DYNC2I2: variants seen among roughly 807,000 people sequenced by gnomAD.
DYNC2I2 encodes the protein cytoplasmic dynein 2 intermediate chain 2.
A neutral mutation model predicts 52.0 loss-of-function variants in DYNC2I2; 39 were observed. That is an observed-to-expected ratio of 0.75 (90% CI 0.58 to 0.98). The LOEUF is 0.98. DYNC2I2 is among the 50% of genes least tolerant of loss of function. The pLI is 0.00. For missense variants in DYNC2I2, 743 were observed against 728.4 expected (o/e 1.02, Z -0.23); for synonymous variants, 359 against 321.1 (o/e 1.12, Z -1.26).
chr9:128,655,532 G>A (rs2132187053), intron 1 of DYNC2I2, among the ~76,000 whole-genome samples: 1 of 142,898 alleles, frequency 7.0e-6, no homozygotes, highest in Non-Finnish European at 1.5e-5. Flanking sequence ...AAAAGAGAAA[G>A]AAACCAAGTA....
At chr9:128,648,129 C>T (rs1268473503) in intron 1 of DYNC2I2, among the ~76,000 whole-genome samples, 1 of 152,176 alleles carries the variant, frequency 6.6e-6, no homozygotes, top group Admixed American at 6.6e-5. Context: ...TGAACACTGG[C>T]CGGGCACAGT....
At chr9:128,678,399 A>G in the DYNC2I2 span, among the ~76,000 whole-genome samples, 1 of 150,650 alleles carries the variant, frequency 6.6e-6, no homozygotes, top group African/African-American at 2.4e-5. Context: ...CCAGGTGCAA[A>G]AAAACTTAAT....
chr9:128,638,616 C>T (rs1589430810), intron 2 of DYNC2I2, among the ~76,000 whole-genome samples: 1 of 152,252 alleles, frequency 6.6e-6, no homozygotes, highest in African/African-American at 2.4e-5. Flanking sequence ...CCGCGCACTG[C>T]TGCAGCATGT....
At chr9:128,649,127 G>C (rs989568244) in intron 1 of DYNC2I2, among the ~76,000 whole-genome samples, 2 of 152,154 alleles carry the variant, frequency 1.3e-5, no homozygotes, top group African/African-American at 2.4e-5. Context: ...TATACTTGAT[G>C]CCTCTGAATT....
upstream of DYNC2I2, among the ~76,000 whole-genome samples, chr9:128,660,724 T>A (rs1028134200): frequency 9.2e-5 from 14 of 151,596 alleles, no homozygotes; most frequent in South Asian, 2.1e-4. Context: ...TATTTTTATT[T>A]TTTATTTATT....
chr9:128,635,956 G>A (rs764917350), intron 4 of DYNC2I2, 189 bp from the exon 5 acceptor site: 1 of 675,730 alleles, frequency 1.5e-6, no homozygotes, highest in Non-Finnish European at 2.6e-6. Flanking sequence ...AGGGAGCTTT[G>A]CCGGACACCC....
At chr9:128,655,425 G>A (rs952329562) in intron 1 of DYNC2I2, among the ~76,000 whole-genome samples, 2 of 147,230 alleles carry the variant, frequency 1.4e-5, no homozygotes, top group Non-Finnish European at 3.0e-5. Context: ...GCAGGAGAAT[G>A]GCATAAACCC....
At chr9:128,666,081 A>T in the DYNC2I2 span, among the ~76,000 whole-genome samples, 1 of 151,954 alleles carries the variant, frequency 6.6e-6, no homozygotes, top group Non-Finnish European at 1.5e-5. Flanking sequence ...TCTCAAAAAA[A>T]TAGAAAAAAA....
chr9:128,633,755 CCT>C lies in DYNC2I2; in HGVS notation c.1598_1599del (p.Glu533GlyfsTer27). ...EAEDLDCLAA[E>X]VAA ...CCTCCCGGGACCCCTCAGGCCGCCA[CCT>C]CTGCTGCCAGGCAGTCCAGGTCCTC... On this transcript the variant is annotated frameshift_variant, in exon 9 of 9. Coordinates refer to ENST00000372715, the MANE Select transcript of DYNC2I2 (RefSeq NM_052844.4). LOFTEE classifies it high-confidence loss of function. 1 of 1,613,182 alleles carries C rather than the reference CCT, an allele frequency of 6.2e-7. No individual in the cohort carries two copies. The highest frequency in any genetic ancestry group is 8.5e-7 in the Non-Finnish European group (1 of 1,180,020).
At chr9:128,683,945 G>T in the DYNC2I2 span, 1 of 1,557,396 alleles carries the variant, frequency 6.4e-7, no homozygotes, top group Non-Finnish European at 8.7e-7. Flanking sequence ...AAGAAACCAA[G>T]ACCACCTCCT....
At chr9:128,656,135 C>T (rs1305322295) in intron 1 of DYNC2I2, among the ~76,000 whole-genome samples, 1 of 124,808 alleles carries the variant, frequency 8.0e-6, no homozygotes, top group Non-Finnish European at 1.7e-5. Context: ...CGCTCAGCAC[C>T]GGGGGCTGAG....
At chr9:128,657,956 A>T (rs1360653674), upstream of DYNC2I2, among the ~76,000 whole-genome samples, 2 of 152,006 alleles carry the variant, frequency 1.3e-5, no homozygotes, top group African/African-American at 4.8e-5. Context: ...GGCCAGGCAT[A>T]GTGGCACACA....
At chr9:128,636,040 T>G in intron 4 of DYNC2I2, 1 of 733,090 alleles carries the variant, frequency 1.4e-6, no homozygotes, top group Non-Finnish European at 2.4e-6. Context: ...GGCACCTGCC[T>G]CTTCTGGCCT....
Position 128,634,716 on chromosome 9 carries a change from T to A in DYNC2I2, c.1187A>T (p.Tyr396Phe), listed in dbSNP as rs2089993695. ...GTGGAAGGGGGAACAGCTCACAGAG[T>A]AGATGGGACCGCCGTGGGGGGAGAA... is the stretch of plus-strand genomic sequence containing the variant. The part of the protein sequence containing the change: ...FTFSPHGGPI[Y>F]SVSCSPFHRN... The change falls in exon 7 of 9, where the codon TAC becomes TTC. Residue 396 changes from tyrosine to phenylalanine, a missense_variant. Tyr to Phe is a conservative substitution (Grantham distance 22). Transcript: ENST00000372715. The A allele has an allele frequency of 1.3e-6, 2 of 1,583,834 alleles. No homozygotes were observed. Among genetic ancestry groups the A allele is most frequent in the African/African-American group, 1.3e-5 (1 of 74,260 alleles).
At chr9:128,638,361 CA>C (rs1860452240) in intron 2 of DYNC2I2, among the ~76,000 whole-genome samples, 1 of 151,518 alleles carries the variant, frequency 6.6e-6, no homozygotes, top group Non-Finnish European at 1.5e-5. Context: ...ACTAAAAATA[CA>C]AAAAATGAGC....
the DYNC2I2 span, among the ~76,000 whole-genome samples, chr9:128,671,067 CAAA>C: frequency 2.1e-4 from 22 of 106,824 alleles, no homozygotes; most frequent in Non-Finnish European, 2.3e-4. Context: ...AACTCCGTCT[CAAA>C]AAAAAAAAAA....
At chr9:128,639,375 G>A (rs1860469136) in intron 2 of DYNC2I2, among the ~76,000 whole-genome samples, 1 of 151,908 alleles carries the variant, frequency 6.6e-6, no homozygotes. Context: ...TCCATCCTGG[G>A]TGACAGAGCG....
rs773748629 is a variant in DYNC2I2, at chr9:128,634,737, G to A, written c.1166C>T (p.Ser389Phe). 21 of 1,598,644 alleles carry A rather than the reference G, an allele frequency of 1.3e-5. No individual in the cohort carries two copies. Among genetic ancestry groups the A allele is most frequent in the African/African-American group, 4.0e-5 (3 of 74,716 alleles). The change falls in exon 7 of 9, where the codon TCC becomes TTC. Residue 389 changes from serine (S) to phenylalanine (F), a missense_variant. By Grantham distance (155) the Ser-to-Phe change is radical. Transcript: ENST00000372715. ...AGAGTAGATGGGACCGCCGTGGGGG[G>A]AGAAGGTAAACTGTGCTGGGGCCCG... ...PLRAPAQFTF[S>F]PHGGPIYSVS...
upstream of DYNC2I2, among the ~76,000 whole-genome samples, chr9:128,660,552 C>G (rs904888654): frequency 2.6e-5 from 4 of 151,598 alleles, no homozygotes; most frequent in African/African-American, 7.3e-5. Context: ...CATGCCACCA[C>G]GCTCAACTAA....
Sources: allele counts gnomAD v4.1 joint callset (sites outside exome capture counted in the v4.1 genomes callset), GRCh38; gene constraint gnomAD v4.1.1; transcripts MANE v1.5; gene names NCBI Gene and HGNC (gene_info 2026-07-23, HGNC 2026-07-21).